SNTG1: variants seen among roughly 807,000 people sequenced by gnomAD.
SNTG1 encodes gamma-1-syntrophin.
In SNTG1, 39 loss-of-function variants were observed where a neutral mutation model predicts 74.7. The ratio of observed to expected loss-of-function variants is 0.52; its 90% CI spans 0.40 to 0.68. The LOEUF (loss-of-function observed/expected upper bound fraction) is 0.68. Ranked by LOEUF, SNTG1 falls within the 30% of genes least tolerant of loss-of-function variation. The pLI, the probability that SNTG1 is intolerant of heterozygous loss-of-function variation, is 0.00. For synonymous variants in SNTG1, 254 were observed against 217.1 expected (o/e 1.17, Z -1.49); for missense variants, 685 against 609.5 (o/e 1.12, Z -1.30).
intron 2 of SNTG1, among the ~76,000 whole-genome samples, chr8:50,258,880 T>G (rs547075372): frequency 1.3e-5 from 2 of 152,166 alleles, no homozygotes; most frequent in East Asian, 1.9e-4. Context: ...GAGCAAAAAA[T>G]TATTTTAAAA....
At chr8:50,296,193 A>T (rs1306330208) in intron 2 of SNTG1, among the ~76,000 whole-genome samples, 1 of 152,166 alleles carries the variant, frequency 6.6e-6, no homozygotes, top group African/African-American at 2.4e-5. Flanking sequence ...AAAACAGTGA[A>T]AGACAGTGTG....
intron 8 of SNTG1, among the ~76,000 whole-genome samples, chr8:50,501,931 A>G (rs2093961890): frequency 6.6e-6 from 1 of 152,190 alleles, no homozygotes; most frequent in Non-Finnish European, 1.5e-5. Flanking sequence ...TTAAAATTAT[A>G]AACATATTAA....
At chr8:49,992,614 T>TGCA (rs1426693907) in intron 1 of SNTG1, among the ~76,000 whole-genome samples, 1 of 152,046 alleles carries the variant, frequency 6.6e-6, no homozygotes, top group African/African-American at 2.4e-5. Context: ...CATTGACAAA[T>TGCA]GGGTGGTGTT....
chr8:50,475,565 A>G (rs1160413800), intron 8 of SNTG1, among the ~76,000 whole-genome samples: 1 of 152,104 alleles, frequency 6.6e-6, no homozygotes. Context: ...GCTATAGTAG[A>G]TCCCAGTAAA....
chr8:50,721,130 T>G (rs2095486661), intron 17 of SNTG1, among the ~76,000 whole-genome samples: 1 of 152,216 alleles, frequency 6.6e-6, no homozygotes, highest in African/African-American at 2.4e-5. Context: ...TGTACATTAT[T>G]AATGCATTAC....
chr8:50,785,629 T>G (rs2095672501), intron 18 of SNTG1, among the ~76,000 whole-genome samples: 1 of 152,052 alleles, frequency 6.6e-6, no homozygotes, highest in Non-Finnish European at 1.5e-5. Context: ...CACAATCTTT[T>G]CAAAATATAG....
chr8:50,564,995 C>G (rs1163207880), intron 12 of SNTG1, among the ~76,000 whole-genome samples: 1 of 151,990 alleles, frequency 6.6e-6, no homozygotes, highest in Non-Finnish European at 1.5e-5. Context: ...TTAACGTCAA[C>G]TGTGATGTCA....
intron 8 of SNTG1, among the ~76,000 whole-genome samples, chr8:50,487,438 C>T (rs565233281): frequency 1.3e-5 from 2 of 152,218 alleles, no homozygotes; most frequent in African/African-American, 4.8e-5. Context: ...GGAACCAACC[C>T]AAATGTCCAA....
intron 1 of SNTG1, among the ~76,000 whole-genome samples, chr8:50,101,710 C>A (rs1354215672): frequency 2.6e-5 from 4 of 151,582 alleles, no homozygotes; most frequent in African/African-American, 9.7e-5. Flanking sequence ...CCTCCCCCCT[C>A]CTCCCACCCC....
chr8:50,377,211 A>T (rs1317487291), intron 2 of SNTG1, among the ~76,000 whole-genome samples: 1 of 152,200 alleles, frequency 6.6e-6, no homozygotes, highest in Admixed American at 6.5e-5. Context: ...CTAGGCACTC[A>T]AAAGCCTGCA....
intron 12 of SNTG1, among the ~76,000 whole-genome samples, chr8:50,582,326 G>A (rs79703548): frequency 0.031 from 4,782 of 152,138 alleles, 121 homozygotes; most frequent in African/African-American, 0.057. Context: ...GGTGCAAGTC[G>A]GTGCAGTATA....
At position 50,436,636 on chromosome 8, in the gene SNTG1, T is replaced by A. The variant is rs1344417698; in HGVS notation, c.163-1907T>A. Among the ~76,000 whole-genome samples, 3 of 152,288 alleles carry A rather than the reference T, an allele frequency of 2.0e-5. No individual in the cohort carries two copies. The East Asian group carries it at 5.8e-4, about 29-fold the overall frequency. ...ATGAAGTTGTATGAAGCTGTAGCTA[T>A]TAGCATCATTGGCACATTGTCTAAC... On this transcript the variant is annotated intron_variant, in intron 4 of 18. Coordinates refer to ENST00000642720, the MANE Select transcript of SNTG1 (RefSeq NM_018967.5).
intron 18 of SNTG1, among the ~76,000 whole-genome samples, chr8:50,779,040 C>T (rs541323633): frequency 6.6e-6 from 1 of 152,196 alleles, no homozygotes; most frequent in South Asian, 2.1e-4. Context: ...TCTGAGGGCT[C>T]TGTTGTGTTC....
intron 13 of SNTG1, among the ~76,000 whole-genome samples, chr8:50,602,171 T>A (rs531922052): frequency 6.6e-6 from 1 of 152,204 alleles, no homozygotes; most frequent in African/African-American, 2.4e-5. Flanking sequence ...GTTTTCTTGT[T>A]GTTTTGTGGT....
chr8:50,595,353 CA>C (rs2094720453), intron 13 of SNTG1, among the ~76,000 whole-genome samples: 1 of 151,924 alleles, frequency 6.6e-6, no homozygotes, highest in Non-Finnish European at 1.5e-5. Flanking sequence ...GAAAATCAAC[CA>C]GCTCATAAAT....
At chr8:50,188,489 T>C (rs1382120023) in intron 2 of SNTG1, among the ~76,000 whole-genome samples, 1 of 152,116 alleles carries the variant, frequency 6.6e-6, no homozygotes. Flanking sequence ...ATTTGTAAAC[T>C]ACACAAGAGT....
intron 1 of SNTG1, among the ~76,000 whole-genome samples, chr8:50,112,856 TC>T (rs1302484151): frequency 1.3e-5 from 2 of 152,266 alleles, no homozygotes; most frequent in African/African-American, 4.8e-5. Flanking sequence ...GGGAATCCTT[TC>T]CCCATTTCTT....
chr8:50,354,885 G>A (rs1211254829), intron 2 of SNTG1, among the ~76,000 whole-genome samples: 1 of 152,126 alleles, frequency 6.6e-6, no homozygotes, highest in Non-Finnish European at 1.5e-5. Flanking sequence ...GGTGAAATAG[G>A]CATACAGAAC....
intron 2 of SNTG1, among the ~76,000 whole-genome samples, chr8:50,251,376 G>A (rs891138666): frequency 6.6e-6 from 1 of 151,802 alleles, no homozygotes; most frequent in Non-Finnish European, 1.5e-5. Flanking sequence ...GTAATTATTT[G>A]CCTATAAATA....
Sources: allele counts gnomAD v4.1 joint callset (sites outside exome capture counted in the v4.1 genomes callset), GRCh38; gene constraint gnomAD v4.1.1; transcripts MANE v1.5; gene names NCBI Gene and HGNC (gene_info 2026-07-23, HGNC 2026-07-21).